The following PGM1 variants were observed in gnomAD, a reference collection of about 807,000 sequenced individuals.
The protein encoded by PGM1 is phosphoglucomutase-1.
In PGM1, 52 loss-of-function variants were observed where a neutral mutation model predicts 55.6. The observed-to-expected ratio is 0.94, with a 90% confidence interval of 0.75 to 1.18. PGM1 has a LOEUF of 1.18. Among genes scored for constraint, PGM1 ranks in the 50% most tolerant of loss-of-function variants. PGM1 has a pLI of 0.00. For missense variants in PGM1, 724 were observed against 729.3 expected (o/e 0.99, Z 0.08); for synonymous variants, 287 against 271.7 (o/e 1.06, Z -0.55).
chr1:63,600,922 T>C (rs1198131635), intron 1 of PGM1, among the ~76,000 whole-genome samples: 1 of 152,216 alleles, frequency 6.6e-6, no homozygotes, highest in African/African-American at 2.4e-5. Flanking sequence ...GTAATCAACA[T>C]TGATCAAATA....
intron 7 of PGM1, among the ~76,000 whole-genome samples, chr1:63,645,921 G>A (rs1328880308): frequency 6.6e-6 from 1 of 152,194 alleles, no homozygotes; most frequent in Non-Finnish European, 1.5e-5. Context: ...ATGCCCGTAA[G>A]AAGCACACAG....
chr1:63,594,788 CAAAAAAAAA>C (rs34661751), intron 1 of PGM1, among the ~76,000 whole-genome samples: 23 of 90,508 alleles, frequency 2.5e-4, no homozygotes, highest in African/African-American at 3.5e-4. Flanking sequence ...CTAAAAAATA[CAAAAAAAAA>C]AAAAAAAAAA....
Position 63,593,526 on chromosome 1 carries a change from A to G in PGM1, c.38A>G (p.Gln13Arg). The change falls in exon 1 of 11, where the codon CAG becomes CGG. Residue 13 changes from glutamine to arginine, a missense_variant. Coordinates refer to ENST00000371084, the MANE Select transcript of PGM1 (RefSeq NM_002633.3). ...KIVTVKTQAY[Q>R]DQKPGTSGLR... ...GTGACAGTTAAGACCCAGGCGTACC[A>G]GGACCAGAAGCCGGGCACGAGCGGG... is the stretch of plus-strand genomic sequence containing the variant. 6.2e-7 allele frequency: 1 copy of G among 1,613,914 alleles called. No homozygotes were observed. Among genetic ancestry groups the G allele is most frequent in the Non-Finnish European group, 8.5e-7 (1 of 1,179,930 alleles).
rs1428904425 is a variant in PGM1 at position 63,651,710 on chromosome 1, T to C, written c.1322T>C (p.Met441Thr). 1.2e-6 allele frequency: 2 copies of C among 1,613,802 alleles called. No homozygotes were observed. Among genetic ancestry groups the C allele is most frequent in the Admixed American group, 1.7e-5 (1 of 59,998 alleles). ...EEVEAEGANK[M>T]MKDLEALMFD... ...GTGGAAGCTGAGGGCGCAAACAAAA[T>C]GATGAAGGACTTGGAGGCCCTGATG... Residue 441 changes from methionine to threonine, a missense_variant, in exon 9 of 11, where the codon ATG (methionine) becomes ACG (threonine). By Grantham distance (81) the Met-to-Thr change is moderately conservative. Around this residue, in one of 3 missense-constraint regions of PGM1, gnomAD observed 316 missense variants for 313.1 expected, o/e 1.01. Coordinates refer to ENST00000371084, the MANE Select transcript of PGM1 (RefSeq NM_002633.3).
At chr1:63,651,569 T>C (rs1469347120) in intron 8 of PGM1, 100 bp from the exon 9 acceptor site, 22 of 1,124,756 alleles carry the variant, frequency 2.0e-5, no homozygotes, top group Non-Finnish European at 2.6e-5. Context: ...TTAGATAGTT[T>C]TGCGGGAGGG....
chr1:63,634,177 T>G lies in PGM1; in HGVS notation c.683-652T>G, dbSNP rs149655961. Among the ~76,000 whole-genome samples the G allele has an allele frequency of 1.6e-4, 25 of 151,832 alleles. No individual in the cohort carries two copies. In the East Asian group the frequency reaches 4.7e-3, roughly 28 times the overall value. Reference sequence around the variant, plus strand: ...TTCCCACTTTTCCTAGCCATGTAAGTTTGGGCAAATGTCTTTACCTCAGAA... The same window carrying G: ...TTCCCACTTTTCCTAGCCATGTAAGGTTGGGCAAATGTCTTTACCTCAGAA... On this transcript the variant is annotated intron_variant, in intron 4 of 10. Coordinates refer to ENST00000371084, the MANE Select transcript of PGM1 (RefSeq NM_002633.3).
intron 7 of PGM1, among the ~76,000 whole-genome samples, chr1:63,640,291 T>C (rs1446198437): frequency 6.6e-6 from 1 of 152,178 alleles, no homozygotes; most frequent in Non-Finnish European, 1.5e-5. Context: ...GATAAAAGTC[T>C]AGAGTCAGGT....
intron 4 of PGM1, among the ~76,000 whole-genome samples, chr1:63,634,275 G>T (rs1197243414): frequency 6.6e-6 from 1 of 152,016 alleles, no homozygotes; most frequent in Non-Finnish European, 1.5e-5. Context: ...TATCTGCCAG[G>T]TACTATTCTC....
rs1436134548 is a variant in PGM1, at chr1:63,622,509, T to C, written c.247-6916T>C. Among the ~76,000 whole-genome samples, 4 of 152,302 alleles carry C rather than the reference T, an allele frequency of 2.6e-5. No individual in the cohort carries two copies. The East Asian group carries it at 7.7e-4, about 29-fold the overall frequency. On this transcript the variant is annotated intron_variant, in intron 1 of 10. Transcript: ENST00000371084. ...TCAAGTATGCTTAAAACTGAGAAAA[T>C]GTTAAAAACGAATCTCATGTTCATA...
chr1:63,631,970 A>G (rs982360170), intron 4 of PGM1, among the ~76,000 whole-genome samples, 188 bp downstream of exon 4: 6 of 152,130 alleles, frequency 3.9e-5, no homozygotes, highest in Non-Finnish European at 7.4e-5. Context: ...AATAGTAGAG[A>G]CACTCCTCGT....
intron 1 of PGM1, among the ~76,000 whole-genome samples, chr1:63,628,130 A>G (rs1570492353): frequency 6.6e-6 from 1 of 152,218 alleles, no homozygotes; most frequent in South Asian, 2.1e-4. Flanking sequence ...GGAATGGATC[A>G]AAAGTACCAT....
intron 1 of PGM1, among the ~76,000 whole-genome samples, chr1:63,604,805 C>T (rs572679249): frequency 6.6e-6 from 1 of 152,204 alleles, no homozygotes; most frequent in African/African-American, 2.4e-5. Flanking sequence ...TAGTTCTCTC[C>T]ATCAAGCCCA....
chr1:63,637,686 T>C (rs1649398615), intron 6 of PGM1, among the ~76,000 whole-genome samples: 1 of 152,202 alleles, frequency 6.6e-6, no homozygotes, highest in Non-Finnish European at 1.5e-5. Flanking sequence ...AATTATGAGC[T>C]GGTTTGAGGT....
intron 1 of PGM1, 55 bp downstream of exon 1, chr1:63,593,789 G>C: frequency 6.7e-7 from 1 of 1,498,344 alleles, no homozygotes; most frequent in Non-Finnish European, 8.8e-7. Context: ...TGCGACGTGC[G>C]GCCCGCGGCG....
At chr1:63,631,974 T>C (rs1649209202) in intron 4 of PGM1, among the ~76,000 whole-genome samples, 192 bp downstream of exon 4, 2 of 152,186 alleles carry the variant, frequency 1.3e-5, no homozygotes, top group Non-Finnish European at 2.9e-5. Context: ...GTAGAGACAC[T>C]CCTCGTGGTA....
intron 7 of PGM1, 24 bp downstream of exon 7, chr1:63,638,824 A>G (rs1226370553): frequency 6.7e-7 from 1 of 1,496,540 alleles, no homozygotes; most frequent in Admixed American, 1.7e-5. Flanking sequence ...CTGTGCTAGC[A>G]TTTTCCTCCC....
chr1:63,656,440 A>G (rs1398659842), intron 10 of PGM1, among the ~76,000 whole-genome samples: 1 of 152,212 alleles, frequency 6.6e-6, no homozygotes, highest in East Asian at 1.9e-4. Flanking sequence ...TCTTCTGGGT[A>G]TATATTCAGA....
chr1:63,636,498 T>C, intron 6 of PGM1, 110 bp downstream of exon 6: 1 of 1,108,644 alleles, frequency 9.0e-7, no homozygotes, highest in Non-Finnish European at 1.4e-6. Flanking sequence ...GGGCATCTGA[T>C]GCATAGAGTG....
chr1:63,594,366 C>T (rs1557699550), intron 1 of PGM1, among the ~76,000 whole-genome samples: 2 of 152,122 alleles, frequency 1.3e-5, no homozygotes, highest in Non-Finnish European at 2.9e-5. Flanking sequence ...GAACTCCTGC[C>T]CTTTGCGCGG....
Sources: allele counts gnomAD v4.1 joint callset (sites outside exome capture counted in the v4.1 genomes callset), GRCh38; gene constraint gnomAD v4.1.1; regional missense constraint gnomAD v4.1.1; transcripts MANE v1.5; gene names NCBI Gene and HGNC (gene_info 2026-07-23, HGNC 2026-07-21).